The following POLR3B variants were observed in gnomAD, a reference collection of about 807,000 sequenced individuals.
POLR3B encodes RNA polymerase III subunit B.
Under a neutral mutation model 147.4 loss-of-function variants are expected in POLR3B, and 96 were observed. The ratio of observed to expected loss-of-function variants is 0.65; its 90% CI spans 0.55 to 0.77. The LOEUF (loss-of-function observed/expected upper bound fraction) is 0.77, where lower values mean the gene tolerates loss of function less well. POLR3B is among the 30% of genes least tolerant of loss of function. The probability of loss-of-function intolerance (pLI) is 0.00; values close to 1 mark genes in which losing one functional copy is unlikely to be tolerated. For missense variants in POLR3B, 1,036 were observed against 1,413.5 expected (o/e 0.73, Z 4.28); for synonymous variants, 461 against 485.9 (o/e 0.95, Z 0.67).
rs199545845 is a variant in POLR3B at position 106,496,863 on chromosome 12, G to C, written c.2929G>C (p.Val977Leu). 5 of 1,613,922 alleles carry C rather than the reference G, an allele frequency of 3.1e-6. No homozygotes were observed. The highest frequency in any genetic ancestry group is 1.3e-5 in the African/African-American group (1 of 74,910). ...AGTGAAGGATGTGTGTGAGGACCTC[G>C]TTCGCCATGGTTATAACTACTTGGG... Reference protein sequence around the residue: ...SKVKDVCEDLVRHGYNYLGKD... With the variant: ...SKVKDVCEDLLRHGYNYLGKD... The change falls in exon 25 of 28, where the codon GTT (valine) becomes CTT (leucine). Residue 977 changes from valine to leucine, a missense_variant. By Grantham distance (32) the Val-to-Leu change is conservative (BLOSUM62 1). Transcript: ENST00000228347.
rs748225333 is a variant in POLR3B, at chr12:106,376,386, C to G, written c.432C>G (p.Asn144Lys). ...GRMPIMLRSS[N>K]CVLTGKTPAE... ...TGCCCATAATGCTACGTAGTTCAAA[C>G]TGTGTTCTTACAGGAAAAACGCCAG... Residue 144 changes from asparagine to lysine, a missense_variant, in exon 7 of 28, where the codon AAC becomes AAG. Physicochemically the swap from Asn to Lys is moderately conservative, Grantham distance 94. Coordinates refer to ENST00000228347, the MANE Select transcript of POLR3B (RefSeq NM_018082.6). 2.5e-6 allele frequency: 4 copies of G among 1,612,770 alleles called. No individual in the cohort carries two copies. The highest frequency in any genetic ancestry group is 1.7e-5 in the Admixed American group (1 of 59,994).
In POLR3B at chr12:106,477,055, G is replaced by A. The variant is rs373120196; in HGVS notation, c.2713+13435G>A. Among the ~76,000 whole-genome samples the A allele has an allele frequency of 2.7e-4, 40 of 147,454 alleles. No homozygotes were observed. In the East Asian group the frequency reaches 7.1e-3, roughly 26 times the overall value. Reference sequence around the variant, plus strand: ...GTACAGATGGGTTTTTGGTGTGGATGTCCTTTCTGTTTGTTAGTTTTCCTT... The same window carrying A: ...GTACAGATGGGTTTTTGGTGTGGATATCCTTTCTGTTTGTTAGTTTTCCTT... On this transcript the variant is annotated intron_variant, in intron 23 of 27. Coordinates refer to ENST00000228347, the MANE Select transcript of POLR3B (RefSeq NM_018082.6).
At chr12:106,427,082 T>C (rs532094362) in intron 12 of POLR3B, 115 bp from the exon 13 acceptor site, 1 of 722,532 alleles carries the variant, frequency 1.4e-6, no homozygotes, top group African/African-American at 1.8e-5. Flanking sequence ...ATTTTTTTTC[T>C]GTTTTAAGCA....
At chr12:106,463,348 C>A in intron 22 of POLR3B, 130 bp from the exon 23 acceptor site, 1 of 782,842 alleles carries the variant, frequency 1.3e-6, no homozygotes. Context: ...AAATTGAAGT[C>A]ATTTTTCAGA....
chr12:106,390,811 C>T (rs2036904074), intron 9 of POLR3B, among the ~76,000 whole-genome samples: 1 of 151,976 alleles, frequency 6.6e-6, no homozygotes, highest in African/African-American at 2.4e-5. Context: ...TATAGCATAG[C>T]TTCTATTCAT....
chr12:106,439,377 G>A (rs1303333833), intron 18 of POLR3B, among the ~76,000 whole-genome samples: 1 of 149,774 alleles, frequency 6.7e-6, no homozygotes, highest in Non-Finnish European at 1.5e-5. Flanking sequence ...TCTTAAAACA[G>A]GAAAAAGAAA....
intron 11 of POLR3B, chr12:106,410,461 A>T (rs927038151): frequency 8.0e-6 from 2 of 249,990 alleles, no homozygotes; most frequent in East Asian, 2.0e-4. Flanking sequence ...TGACTTAAAG[A>T]TTAATTCTGG....
chr12:106,393,438 T>C (rs1029461451), intron 10 of POLR3B, among the ~76,000 whole-genome samples: 3 of 151,946 alleles, frequency 2.0e-5, no homozygotes, highest in Non-Finnish European at 4.4e-5. Context: ...TTTTCCTTAT[T>C]TGCCTGAGTG....
chr12:106,392,154 T>A (rs1024607981), intron 9 of POLR3B, among the ~76,000 whole-genome samples: 6 of 152,116 alleles, frequency 3.9e-5, no homozygotes, highest in Non-Finnish European at 7.4e-5. Flanking sequence ...TATTCCTACT[T>A]TTTTTATTTT....
chr12:106,457,333 T>C (rs947004659), intron 21 of POLR3B, 37 bp downstream of exon 21: 1 of 1,513,130 alleles, frequency 6.6e-7, no homozygotes, highest in East Asian at 2.3e-5. Flanking sequence ...TTAATACTTT[T>C]TGACATCATA....
intron 20 of POLR3B, among the ~76,000 whole-genome samples, chr12:106,455,862 ATTCGT>A: frequency 6.6e-6 from 1 of 152,164 alleles, no homozygotes; most frequent in South Asian, 2.1e-4. Context: ...AATTTTAGAA[ATTCGT>A]TACTTCATCT....
At chr12:106,434,330 C>T (rs1046342222) in intron 16 of POLR3B, among the ~76,000 whole-genome samples, 4 of 152,168 alleles carry the variant, frequency 2.6e-5, no homozygotes, top group African/African-American at 7.2e-5. Context: ...CCTTAGGATT[C>T]GTTTGACGCA....
rs77958610 is a variant in POLR3B, at chr12:106,442,439, A to G, written c.1956-2024A>G. Among the ~76,000 whole-genome samples, 810 of 152,334 alleles carry G rather than the reference A, an allele frequency of 5.3e-3. 19 individuals are homozygous for G. In the East Asian group the frequency reaches 0.08, roughly 15 times the overall value. On this transcript the variant is annotated intron_variant, in intron 18 of 27. Coordinates refer to ENST00000228347, the MANE Select transcript of POLR3B (RefSeq NM_018082.6). The stretch of plus-strand genomic sequence containing the variant: ...GCTATAAGCTGATGTTCTTTAAAGA[A>G]AAAAGCAAAACAAAACCTAGAGTAT...
At chr12:106,479,916 C>T (rs544783322) in intron 23 of POLR3B, among the ~76,000 whole-genome samples, 3 of 151,636 alleles carry the variant, frequency 2.0e-5, no homozygotes, top group East Asian at 1.9e-4. Context: ...TGGGCTCAAG[C>T]GATCCTTCCA....
At chr12:106,508,603 C>G (rs1204508777) in intron 27 of POLR3B, among the ~76,000 whole-genome samples, 3 of 152,192 alleles carry the variant, frequency 2.0e-5, no homozygotes, top group African/African-American at 7.2e-5. Flanking sequence ...CCCAGGGACC[C>G]TTCTACAGTT....
At chr12:106,379,988 A>T in intron 8 of POLR3B, 43 bp from the exon 9 acceptor site, 1 of 1,124,182 alleles carries the variant, frequency 8.9e-7, no homozygotes, top group Non-Finnish European at 1.4e-6. Flanking sequence ...CTAGCTTGAA[A>T]CTAAGTGGGG....
At position 106,437,070 on chromosome 12, in the gene POLR3B, G is replaced by A. The variant is rs764797827; in HGVS notation, c.1795G>A (p.Val599Ile). 1.9e-6 allele frequency: 3 copies of A among 1,613,250 alleles called. No individual in the cohort carries two copies. Among genetic ancestry groups the A allele is most frequent in the South Asian group, 1.1e-5 (1 of 90,980 alleles). The change falls in exon 17 of 28, where the codon GTC becomes ATC. Residue 599 changes from valine (V) to isoleucine (I), a missense_variant. By Grantham distance (29) the Val-to-Ile change is conservative. Transcript: ENST00000228347. ...TTTCCATTCTAGACCCTACATAATT[G>A]TCAAGAAACAGAAGCCAGCAGTCAC... Reference protein sequence around the residue: ...GGRLCRPYIIVKKQKPAVTNK... With the variant: ...GGRLCRPYIIIKKQKPAVTNK...
intron 12 of POLR3B, among the ~76,000 whole-genome samples, chr12:106,417,183 G>A (rs180775169): frequency 5.1e-4 from 78 of 152,314 alleles, no homozygotes; most frequent in African/African-American, 1.8e-3. Flanking sequence ...TGTGCAGGCC[G>A]ATATTTGAAT....
At chr12:106,491,789 C>G (rs1376568238) in intron 23 of POLR3B, among the ~76,000 whole-genome samples, 1 of 152,132 alleles carries the variant, frequency 6.6e-6, no homozygotes, top group Non-Finnish European at 1.5e-5. Flanking sequence ...AGTTGGGGCC[C>G]TGAACCTCTA....
Sources: gnomAD v4.1 joint callset for allele counts (sites outside exome capture counted in the v4.1 genomes callset) on GRCh38, gnomAD v4.1.1 for gene constraint, MANE v1.5 for transcripts, NCBI Gene and HGNC (gene_info 2026-07-23, HGNC 2026-07-21) for gene names.